The following SHQ1 variants were observed in gnomAD, a reference collection of about 807,000 sequenced individuals.
SHQ1 encodes the protein SHQ1, H/ACA ribonucleoprotein assembly factor.
A neutral mutation model predicts 53.8 loss-of-function variants in SHQ1; 49 were observed. That is an observed-to-expected ratio of 0.91 (90% CI 0.72 to 1.16). The LOEUF (loss-of-function observed/expected upper bound fraction) is 1.16. Ranked by LOEUF, SHQ1 falls within the 50% of genes most tolerant of loss-of-function variation. The pLI is 0.00. For missense variants in SHQ1, 738 were observed against 683.1 expected (o/e 1.08, Z -0.90); for synonymous variants, 243 against 251.0 (o/e 0.97, Z 0.30).
At chr3:72,812,497 T>TAG (rs1707155773) in intron 9 of SHQ1, among the ~76,000 whole-genome samples, 174 bp downstream of exon 9, 1 of 152,216 alleles carries the variant, frequency 6.6e-6, no homozygotes, top group Non-Finnish European at 1.5e-5. Context: ...CTCTATGCAA[T>TAG]TACTTATCTA....
intron 5 of SHQ1, among the ~76,000 whole-genome samples, chr3:72,832,075 T>C (rs1349090731): frequency 6.6e-6 from 1 of 152,204 alleles, no homozygotes; most frequent in Non-Finnish European, 1.5e-5. Context: ...AGAAGTGTAA[T>C]AGTCTCATGA....
chr3:72,803,078 G>T (rs910541624), intron 9 of SHQ1, among the ~76,000 whole-genome samples: 1 of 152,166 alleles, frequency 6.6e-6, no homozygotes, highest in South Asian at 2.1e-4. Flanking sequence ...GTCCAAGAGG[G>T]TATGAGAAAG....
chr3:72,767,056 C>T (rs191287133), intron 10 of SHQ1, among the ~76,000 whole-genome samples: 1 of 152,166 alleles, frequency 6.6e-6, no homozygotes, highest in Non-Finnish European at 1.5e-5. Context: ...ATTTGTTTGA[C>T]AAAGATGAAG....
At chr3:72,845,331 A>C (rs141999277) in intron 1 of SHQ1, among the ~76,000 whole-genome samples, 1,608 of 152,170 alleles carry the variant, frequency 0.011, 43 homozygotes, top group African/African-American at 0.037. Flanking sequence ...TAAAAATACA[A>C]AATTAGCCAG....
intron 10 of SHQ1, among the ~76,000 whole-genome samples, chr3:72,751,508 G>GTGTGTGTGTA (rs1210782182): frequency 2.0e-4 from 23 of 116,982 alleles, no homozygotes; most frequent in African/African-American, 9.7e-4. Flanking sequence ...GTGTGTGTGT[G>GTGTGTGTGTA]TATATATATA....
intron 9 of SHQ1, among the ~76,000 whole-genome samples, chr3:72,805,160 AAAAC>A: frequency 6.6e-6 from 1 of 152,160 alleles, no homozygotes; most frequent in Non-Finnish European, 1.5e-5. Flanking sequence ...GATTAAAAGA[AAAAC>A]AAAAAAAAAT....
intron 4 of SHQ1, among the ~76,000 whole-genome samples, chr3:72,835,814 T>C (rs1162418941): frequency 6.6e-6 from 1 of 152,226 alleles, no homozygotes; most frequent in Admixed American, 6.5e-5. Context: ...GAGAACTCAG[T>C]GCAAATGTCA....
the SHQ1 span, among the ~76,000 whole-genome samples, chr3:72,729,513 A>C: frequency 2.0e-5 from 3 of 152,252 alleles, no homozygotes; most frequent in African/African-American, 7.2e-5. Flanking sequence ...CAGGAAAAAA[A>C]TAAAAGGCAT....
the SHQ1 span, among the ~76,000 whole-genome samples, chr3:72,737,896 C>G: frequency 1.3e-5 from 2 of 152,200 alleles, no homozygotes; most frequent in East Asian, 3.8e-4. Flanking sequence ...TATTCAATTG[C>G]TTTTCAATTA....
intron 10 of SHQ1, among the ~76,000 whole-genome samples, chr3:72,790,399 CT>C (rs1166381077): frequency 6.6e-6 from 1 of 152,134 alleles, no homozygotes; most frequent in Non-Finnish European, 1.5e-5. Context: ...TAGCAATTAC[CT>C]GGTATTTCAA....
chr3:72,736,475 C>A, the SHQ1 span, among the ~76,000 whole-genome samples: 5 of 142,134 alleles, frequency 3.5e-5, no homozygotes, highest in Admixed American at 1.4e-4. Flanking sequence ...TCTTTTCAAT[C>A]ATTAAAAATT....
chr3:72,818,443 T>C (rs914157472), intron 6 of SHQ1, among the ~76,000 whole-genome samples: 3 of 152,196 alleles, frequency 2.0e-5, no homozygotes, highest in African/African-American at 7.2e-5. Flanking sequence ...TAAAAAAGTA[T>C]CTGTTTTAGA....
chr3:72,743,325 G>C, the SHQ1 span, among the ~76,000 whole-genome samples: 4 of 152,170 alleles, frequency 2.6e-5, no homozygotes, highest in African/African-American at 9.7e-5. Context: ...GCCCAGAGGG[G>C]GTACTTTTCA....
the SHQ1 span, among the ~76,000 whole-genome samples, chr3:72,727,672 T>C: frequency 6.6e-6 from 1 of 152,160 alleles, no homozygotes; most frequent in Non-Finnish European, 1.5e-5. Context: ...ACGGTACAGG[T>C]GGATGCCTAA....
At chr3:72,806,610 A>C (rs1344309351) in intron 9 of SHQ1, among the ~76,000 whole-genome samples, 1 of 152,252 alleles carries the variant, frequency 6.6e-6, no homozygotes, top group Non-Finnish European at 1.5e-5. Flanking sequence ...AACTAGTTTT[A>C]GAGGCTGTAG....
chr3:72,750,748 C>T lies in SHQ1; in HGVS notation c.1270G>A (p.Ala424Thr), dbSNP rs1705349153. 3.2e-6 allele frequency: 5 copies of T among 1,552,754 alleles called. No individual in the cohort carries two copies. The South Asian group carries it at 4.7e-5, about 15-fold the overall frequency. ...QLGLELEELE[A>T]AALLVQEEET... ...TCCTCCTGGACAAGCAGTGCTGCTGCTTCTAGTTCTTCCAGTTCTAACCCC... is the reference window on the plus strand; with the variant it reads ...TCCTCCTGGACAAGCAGTGCTGCTGTTTCTAGTTCTTCCAGTTCTAACCCC... The change falls in exon 11 of 11, where the codon GCA becomes ACA. Residue 424 changes from alanine (A) to threonine (T), a missense_variant. Ala to Thr is a moderately conservative substitution (Grantham distance 58). Transcript: ENST00000325599.
the SHQ1 span, among the ~76,000 whole-genome samples, chr3:72,740,960 C>G: frequency 2.6e-5 from 4 of 152,186 alleles, no homozygotes; most frequent in African/African-American, 9.7e-5. Flanking sequence ...CAATAACTTC[C>G]AAGGGCCTTA....
chr3:72,746,042 C>T (rs967470777), downstream of SHQ1, among the ~76,000 whole-genome samples: 1 of 152,110 alleles, frequency 6.6e-6, no homozygotes, highest in Non-Finnish European at 1.5e-5. Flanking sequence ...AGGGTTTCAC[C>T]ATGTTGGCCA....
chr3:72,841,735 T>C (rs1254361431), intron 3 of SHQ1, among the ~76,000 whole-genome samples: 2 of 152,166 alleles, frequency 1.3e-5, no homozygotes, highest in African/African-American at 2.4e-5. Flanking sequence ...GAGATAGTTT[T>C]GGGGGATGAA....
Sources: gnomAD v4.1 joint callset for allele counts (sites outside exome capture counted in the v4.1 genomes callset) on GRCh38, gnomAD v4.1.1 for gene constraint, MANE v1.5 for transcripts, NCBI Gene and HGNC (gene_info 2026-07-23, HGNC 2026-07-21) for gene names.